Variants in KNL1 observed in about 807,000 individuals in gnomAD.
KNL1 encodes the protein kinetochore scaffold 1, also known as outer kinetochore KNL1 complex subunit KNL1.
A neutral mutation model predicts 201.3 loss-of-function variants in KNL1; 66 were observed. The observed-to-expected ratio is 0.33, with a 90% CI of 0.27 to 0.40. KNL1 has a LOEUF of 0.40. Ranked by LOEUF, KNL1 falls within the 10% of genes least tolerant of loss-of-function variation. KNL1 has a pLI of 1.00. For synonymous variants in KNL1, 895 were observed against 899.2 expected (o/e 1.00, Z 0.08); for missense variants, 2,815 against 2,690.5 (o/e 1.05, Z -1.02).
rs749156028 is a variant in KNL1 at position 40,659,892 on chromosome 15, T to TTGTGTG, written c.6836+432_6836+433insGTGTGT. 2.1e-3 allele frequency among the ~76,000 whole-genome samples: 249 copies of TTGTGTG among 120,176 alleles called. 4 individuals carry two copies. The highest frequency in any genetic ancestry group is 4.6e-3 in the Middle Eastern group (1 of 218). 78.8% of individuals were successfully genotyped at this position (120,176 alleles called of 152,430 possible). A position where few individuals can be genotyped will look rare whatever the true frequency, so the allele number is the denominator to read the frequency against. On this transcript the variant is annotated intron_variant, in intron 25 of 25. Transcript: ENST00000399668. Reference sequence around the variant, plus strand: ...TTCTCTTGAGTTCATTTTGAAGAATTTATGTGTGTGTGTGTGTGTGTGTGT... The same window carrying TTGTGTG: ...TTCTCTTGAGTTCATTTTGAAGAATTTGTGTGTATGTGTGTGTGTGTGTGTGTGTGT...
intron 13 of KNL1, among the ~76,000 whole-genome samples, chr15:40,635,276 T>G (rs970222586): frequency 1.3e-5 from 2 of 151,824 alleles, no homozygotes; most frequent in African/African-American, 4.8e-5. Flanking sequence ...ATGGTCTCGA[T>G]CTCCTGACCT....
intron 20 of KNL1, 92 bp from the exon 21 acceptor site, chr15:40,651,913 G>A (rs951765710): frequency 5.6e-6 from 4 of 715,938 alleles, no homozygotes; most frequent in Non-Finnish European, 9.5e-6. Context: ...AACATTAGCA[G>A]CTGCTGTTGG....
At chr15:40,605,754 C>T (rs1183212399) in intron 3 of KNL1, among the ~76,000 whole-genome samples, 1 of 152,158 alleles carries the variant, frequency 6.6e-6, no homozygotes, top group Non-Finnish European at 1.5e-5. Flanking sequence ...CCAGCCCAAA[C>T]TGCTTTAAGC....
At position 40,659,527 on chromosome 15, in the gene KNL1, C is replaced by G. The variant is rs1324471191; in HGVS notation, c.6836+66C>G. The G allele has an allele frequency of 8.1e-6, 12 of 1,486,988 alleles. No homozygotes were observed. The East Asian group carries it at 9.9e-5, about 12-fold the overall frequency. 92.1% of individuals were successfully genotyped at this position (1,486,988 alleles called of 1,614,324 possible). A position where few individuals can be genotyped will look rare whatever the true frequency, so the allele number is the denominator to read the frequency against. On this transcript the variant is annotated intron_variant, in intron 25 of 25. Coordinates refer to ENST00000399668, the MANE Select transcript of KNL1 (RefSeq NM_144508.5). The stretch of plus-strand genomic sequence containing the variant: ...TTTTTTTTTGAGATGGAGTCTGGCT[C>G]TGTTGCCCAGGCTGGAGTGTAGTGG...
Position 40,621,997 on chromosome 15 carries a change from A to T in KNL1, c.1733A>T (p.His578Leu). The T allele has an allele frequency of 1.2e-6, 2 of 1,614,110 alleles. No homozygotes were observed. The highest frequency in any genetic ancestry group is 2.2e-5 in the South Asian group (2 of 91,080). Reference protein sequence around the residue: ...SGENMDLTESHTSNLGSQVPL... With the variant: ...SGENMDLTESLTSNLGSQVPL... ...GAAAATATGGATTTGACTGAAAGTC[A>T]CACAAGTAACTTAGGAAGTCAGGTT... The change falls in exon 10 of 26, where the codon CAC becomes CTC. Residue 578 changes from histidine (H) to leucine (L), a missense_variant. By Grantham distance (99) the His-to-Leu change is moderately conservative. Around this residue, in one of 3 missense-constraint regions of KNL1, gnomAD observed 2,464 missense variants for 2,291.7 expected, o/e 1.08. Coordinates refer to ENST00000399668, the MANE Select transcript of KNL1 (RefSeq NM_144508.5).
chr15:40,604,987 T>C, intron 2 of KNL1, 123 bp from the exon 3 acceptor site: 2 of 609,658 alleles, frequency 3.3e-6, no homozygotes, highest in Non-Finnish European at 3.0e-6. Flanking sequence ...TAAATTTTGC[T>C]TGCCAGAGTG....
Position 40,658,711 on chromosome 15 carries a change from C to T in KNL1, c.6714-628C>T, listed in dbSNP as rs112093204. On this transcript the variant is annotated intron_variant, in intron 24 of 25. Coordinates refer to ENST00000399668, the MANE Select transcript of KNL1 (RefSeq NM_144508.5). ...TTTGGGAAGTGAGGCAGGTGGATCA[C>T]TTGAGGTCAGGAGTTCAAGATCAAT... is the stretch of plus-strand genomic sequence containing the variant. Among the ~76,000 whole-genome samples the T allele has an allele frequency of 6.8e-3, 1,024 of 150,758 alleles. 8 individuals carry two copies. The highest frequency in any genetic ancestry group is 0.024 in the African/African-American group (983 of 41,058).
chr15:40,637,278 C>A (rs372098216), intron 13 of KNL1, among the ~76,000 whole-genome samples: 5 of 150,058 alleles, frequency 3.3e-5, no homozygotes, highest in Middle Eastern at 3.5e-3. Context: ...GAGTTTACCA[C>A]AGTCCAGATG....
chr15:40,610,866 C>G, intron 6 of KNL1: 1 of 454,334 alleles, frequency 2.2e-6, no homozygotes, highest in Non-Finnish European at 4.4e-6. Context: ...TCTCCTGCCT[C>G]AGCCTCCCAG....
chr15:40,651,380 C>A, intron 19 of KNL1, 91 bp from the exon 20 acceptor site: 1 of 672,684 alleles, frequency 1.5e-6, no homozygotes. Context: ...AGTCATGTAG[C>A]ATGTGACTTC....
Position 40,622,157 on chromosome 15 carries a change from A to G in KNL1, c.1893A>G (p.Lys631=). The G allele has an allele frequency of 6.2e-7, 1 of 1,614,174 alleles. No homozygotes were observed. The highest frequency in any genetic ancestry group is 1.1e-5 in the South Asian group (1 of 91,086). Residue 631 remains lysine (K), a synonymous_variant, in exon 10 of 26, where the codon AAA becomes AAG. Coordinates refer to ENST00000399668, the MANE Select transcript of KNL1 (RefSeq NM_144508.5). ...EPFQRSDIIA[K]NSLTDTWNKD... Reference sequence around the variant, plus strand: ...TTCAGCGATCAGACATAATAGCCAAAAACAGCTTAACCGACACCTGGAACA... The same window carrying G: ...TTCAGCGATCAGACATAATAGCCAAGAACAGCTTAACCGACACCTGGAACA...
chr15:40,595,165 T>A (rs930280250), intron 1 of KNL1, among the ~76,000 whole-genome samples: 4 of 152,248 alleles, frequency 2.6e-5, no homozygotes, highest in African/African-American at 9.6e-5. Flanking sequence ...TGTTTTCACT[T>A]CCGTCGAATC....
At chr15:40,655,750 T>TA (rs990767869) in intron 22 of KNL1, among the ~76,000 whole-genome samples, 2 of 151,096 alleles carry the variant, frequency 1.3e-5, no homozygotes, top group African/African-American at 4.9e-5. Context: ...CCGTCTCTAC[T>TA]AAAAAATACA....
At position 40,629,261 on chromosome 15, in the gene KNL1, T is replaced by G. The variant is rs992789922; in HGVS notation, c.5584-12T>G. On this transcript the variant is annotated splice_polypyrimidine_tract_variant and intron_variant, in intron 12 of 25. Coordinates refer to ENST00000399668, the MANE Select transcript of KNL1 (RefSeq NM_144508.5). The stretch of plus-strand genomic sequence containing the variant: ...ATTGAATGGTCATGCAAACTTTTTT[T>G]TCTTTTCTCAGAAACTCCAAGATGG... The G allele has an allele frequency of 1.3e-6, 2 of 1,541,698 alleles. No individual in the cohort carries two copies. The highest frequency in any genetic ancestry group is 1.8e-6 in the Non-Finnish European group (2 of 1,142,234).
At chr15:40,629,139 A>T in intron 12 of KNL1, 134 bp from the exon 13 acceptor site, 1 of 524,224 alleles carries the variant, frequency 1.9e-6, no homozygotes. Flanking sequence ...CTGCTCATGT[A>T]TAGCCTGCAG....
At chr15:40,633,723 T>G (rs1892978250) in intron 13 of KNL1, among the ~76,000 whole-genome samples, 1 of 151,922 alleles carries the variant, frequency 6.6e-6, no homozygotes, top group Non-Finnish European at 1.5e-5. Flanking sequence ...AAATATTTCT[T>G]AGAGATGGGG....
At chr15:40,611,262 C>T (rs1264987317) in intron 6 of KNL1, among the ~76,000 whole-genome samples, 2 of 151,940 alleles carry the variant, frequency 1.3e-5, no homozygotes, top group Non-Finnish European at 2.9e-5. Flanking sequence ...GTGCACGCCA[C>T]CACACCTGGC....
intron 14 of KNL1, among the ~76,000 whole-genome samples, chr15:40,642,328 G>A (rs1165356806): frequency 3.3e-5 from 5 of 151,920 alleles, no homozygotes; most frequent in Non-Finnish European, 7.4e-5. Context: ...GAACCCAGGA[G>A]GTGGAGCTTG....
Position 40,623,155 on chromosome 15 carries a change from A to G in KNL1, c.2891A>G (p.Tyr964Cys), listed in dbSNP as rs1348422967. 6.2e-7 allele frequency: 1 copy of G among 1,613,862 alleles called. No homozygotes were observed. ...MTESHTVFIDYQEKERTDRPN... is the reference protein window; with the variant it reads ...MTESHTVFIDCQEKERTDRPN... Reference sequence around the variant, plus strand: ...GAGTCCCATACTGTTTTCATTGACTACCAAGAAAAGGAAAGAACAGACAGA... The same window carrying G: ...GAGTCCCATACTGTTTTCATTGACTGCCAAGAAAAGGAAAGAACAGACAGA... Residue 964 changes from tyrosine (Y) to cysteine (C), a missense_variant, in exon 10 of 26, where the codon TAC (tyrosine) becomes TGC (cysteine). Tyr to Cys is a radical substitution (Grantham distance 194). Transcript: ENST00000399668.
Sources: gnomAD v4.1 joint callset for allele counts (sites outside exome capture counted in the v4.1 genomes callset) on GRCh38, gnomAD v4.1.1 for gene constraint, gnomAD v4.1.1 regional missense constraint, MANE v1.5 for transcripts, NCBI Gene and HGNC (gene_info 2026-07-23, HGNC 2026-07-21) for gene names.